Variants in IL1A observed in about 807,000 individuals in gnomAD.
The protein encoded by IL1A is interleukin 1 alpha.
In IL1A, 16 loss-of-function variants were observed where a neutral mutation model predicts 22.2. The observed-to-expected ratio is 0.72, with a 90% CI of 0.49 to 1.09. The LOEUF (loss-of-function observed/expected upper bound fraction) is 1.09, where lower values mean the gene tolerates loss of function less well. IL1A is among the 50% of genes least tolerant of loss of function. The pLI, the probability that IL1A is intolerant of heterozygous loss-of-function variation, is 0.00. For missense variants in IL1A, 317 were observed against 321.8 expected (o/e 0.99, Z 0.11); for synonymous variants, 113 against 118.5 (o/e 0.95, Z 0.30).
At position 112,774,832 on chromosome 2, in the gene IL1A, T is replaced by C; in HGVS notation, c.*235A>G. On this transcript the variant is annotated 3_prime_UTR_variant, in exon 7 of 7. Coordinates refer to ENST00000263339, the MANE Select transcript of IL1A (RefSeq NM_000575.5). ...AGCTCTGGTCCTCCTAAAATTGTTATGAAGAATAATAATTAAAATGATTGG... is the reference window on the plus strand; with the variant it reads ...AGCTCTGGTCCTCCTAAAATTGTTACGAAGAATAATAATTAAAATGATTGG... 1 of 416,596 alleles carries C rather than the reference T, an allele frequency of 2.4e-6. No individual in the cohort carries two copies. Among genetic ancestry groups the C allele is most frequent in the South Asian group, 3.5e-5 (1 of 28,792 alleles). The allele number at this position is 416,596 out of a possible 1,614,324, so 25.8% of individuals were successfully genotyped here. A position where few individuals can be genotyped will look rare whatever the true frequency, so the allele number is the denominator to read the frequency against.
Position 112,775,933 on chromosome 2 carries a change from C to T in IL1A, c.616-666G>A, listed in dbSNP as rs577278692. Among the ~76,000 whole-genome samples the T allele has an allele frequency of 2.0e-5, 3 of 152,270 alleles. No individual in the cohort carries two copies. In the South Asian group the frequency reaches 6.2e-4, roughly 32 times the overall value. On this transcript the variant is annotated intron_variant, in intron 6 of 6. Transcript: ENST00000263339. Reference sequence around the variant, plus strand: ...ATGCTTCTTTCCTATTCTTTTAAATCTAAAGCAAGTAAATATACTTTTGAG... The same window carrying T: ...ATGCTTCTTTCCTATTCTTTTAAATTTAAAGCAAGTAAATATACTTTTGAG...
At chr2:112,781,367 G>C (rs1046372598) in intron 4 of IL1A, among the ~76,000 whole-genome samples, 1 of 152,160 alleles carries the variant, frequency 6.6e-6, no homozygotes, top group Non-Finnish European at 1.5e-5. Context: ...AAAGTCACAC[G>C]ACCTTTACAA....
intron 6 of IL1A, 42 bp downstream of exon 6, chr2:112,777,945 G>A (rs749914961): frequency 6.7e-5 from 107 of 1,606,188 alleles, no homozygotes; most frequent in Non-Finnish European, 8.1e-5. Flanking sequence ...ACAAACATAT[G>A]AGATGTAAAT....
intron 6 of IL1A, among the ~76,000 whole-genome samples, chr2:112,777,470 A>T (rs1681118960): frequency 6.6e-6 from 1 of 151,970 alleles, no homozygotes; most frequent in Non-Finnish European, 1.5e-5. Context: ...TTTGAGGGGG[A>T]AAGTGGTAGT....
At chr2:112,782,595 C>A in intron 3 of IL1A, 121 bp downstream of exon 3, 1 of 702,698 alleles carries the variant, frequency 1.4e-6, no homozygotes, top group Admixed American at 2.3e-5. Flanking sequence ...AGACAGGTCT[C>A]TGGACCTCTA....
In IL1A at chr2:112,778,096, C is replaced by A; in HGVS notation, c.506G>T (p.Gly169Val). ...NLDEAVKFDMGAYKSSKDDAK... is the reference protein window; with the variant it reads ...NLDEAVKFDMVAYKSSKDDAK... ...ATCATCCTTTGATGACTTATAAGCACCCATGTCAAATTTCACTGGTGAAGA... is the reference window on the plus strand; with the variant it reads ...ATCATCCTTTGATGACTTATAAGCAACCATGTCAAATTTCACTGGTGAAGA... Residue 169 changes from glycine (G) to valine (V), a missense_variant, in exon 6 of 7, where the codon GGT (glycine) becomes GTT (valine). Physicochemically the swap from Gly to Val is moderately radical, Grantham distance 109. Coordinates refer to ENST00000263339, the MANE Select transcript of IL1A (RefSeq NM_000575.5). 1.2e-6 allele frequency: 2 copies of A among 1,612,866 alleles called. No individual in the cohort carries two copies. Among genetic ancestry groups the A allele is most frequent in the African/African-American group, 2.7e-5 (2 of 74,918 alleles).
chr2:112,774,927 A>G lies in IL1A; in HGVS notation c.*140T>C, dbSNP rs1314566718. On this transcript the variant is annotated 3_prime_UTR_variant, in exon 7 of 7. Coordinates refer to ENST00000263339, the MANE Select transcript of IL1A (RefSeq NM_000575.5). ...GTTAGTGTTGGTTCCACTCTTACAA[A>G]GAGTGTAAACATTCATTTAGAATTA... The G allele has an allele frequency of 2.2e-5, 14 of 647,438 alleles. No homozygotes were observed. Among genetic ancestry groups the G allele is most frequent in the Non-Finnish European group, 2.7e-5 (10 of 368,062 alleles). 40.1% of individuals were successfully genotyped at this position (647,438 alleles called of 1,614,324 possible).
rs763121818 is a variant in IL1A, at chr2:112,781,584, T to C, written c.319+20A>G. On this transcript the variant is annotated intron_variant, in intron 4 of 6. Coordinates refer to ENST00000263339, the MANE Select transcript of IL1A (RefSeq NM_000575.5). Reference sequence around the variant, plus strand: ...GCTTAAAACTGTAAAAGAAAGATATTATTGTGCTTGACCCCTTACCTTCCT... The same window carrying C: ...GCTTAAAACTGTAAAAGAAAGATATCATTGTGCTTGACCCCTTACCTTCCT... 6.3e-7 allele frequency: 1 copy of C among 1,577,156 alleles called. No homozygotes were observed.
chr2:112,783,066 T>C (rs1428364697), intron 2 of IL1A, among the ~76,000 whole-genome samples: 3 of 152,250 alleles, frequency 2.0e-5, no homozygotes, highest in African/African-American at 7.2e-5. Context: ...TAAGCTCCTT[T>C]AGAGAAAAGA....
intron 4 of IL1A, among the ~76,000 whole-genome samples, chr2:112,781,288 G>A (rs887506370): frequency 8.5e-5 from 13 of 152,106 alleles, no homozygotes; most frequent in African/African-American, 3.1e-4. Flanking sequence ...CATGACCAAG[G>A]AGGCATAGTT....
intron 5 of IL1A, 116 bp from the exon 6 acceptor site, chr2:112,778,227 T>C: frequency 1.1e-6 from 1 of 896,560 alleles, no homozygotes. Flanking sequence ...TGTGTGTGTG[T>C]GTGTGTAGTT....
intron 5 of IL1A, among the ~76,000 whole-genome samples, chr2:112,778,686 G>T (rs1681143309): frequency 6.6e-6 from 1 of 152,188 alleles, no homozygotes; most frequent in Non-Finnish European, 1.5e-5. Flanking sequence ...GCTATTTAGA[G>T]TAAACCCAAG....
chr2:112,779,425 A>G, intron 5 of IL1A, 71 bp downstream of exon 5: 1 of 1,283,436 alleles, frequency 7.8e-7, no homozygotes, highest in Non-Finnish European at 1.1e-6. Flanking sequence ...AAGCAGAAAG[A>G]TTGAAATAAA....
At position 112,776,452 on chromosome 2, in the gene IL1A, C is replaced by T. The variant is rs371391542; in HGVS notation, c.616-1185G>A. 1.3e-4 allele frequency among the ~76,000 whole-genome samples: 17 copies of T among 135,946 alleles called. No individual in the cohort carries two copies. The East Asian group carries it at 2.9e-3, about 23-fold the overall frequency. 89.2% of individuals were successfully genotyped at this position (135,946 alleles called of 152,430 possible). A position where few individuals can be genotyped will look rare whatever the true frequency, so the allele number is the denominator to read the frequency against. ...GTCCCAAAAACCCACAACCATGACC[C>T]GCCCCCTCCTCTGAATGTCCTACCC... On this transcript the variant is annotated intron_variant, in intron 6 of 6. Transcript: ENST00000263339.
intron 5 of IL1A, among the ~76,000 whole-genome samples, chr2:112,778,675 A>G (rs1156259590): frequency 6.6e-6 from 1 of 152,232 alleles, no homozygotes; most frequent in Non-Finnish European, 1.5e-5. Context: ...TTTGCAATCA[A>G]GCTATTTAGA....
At chr2:112,780,441 G>T (rs1363293806) in intron 4 of IL1A, among the ~76,000 whole-genome samples, 1 of 152,178 alleles carries the variant, frequency 6.6e-6, no homozygotes, top group Admixed American at 6.5e-5. Context: ...AGGTGAACAT[G>T]CGTTATTGCT....
chr2:112,779,277 A>G (rs1469472693), intron 5 of IL1A, among the ~76,000 whole-genome samples: 1 of 152,222 alleles, frequency 6.6e-6, no homozygotes, highest in Non-Finnish European at 1.5e-5. Flanking sequence ...TCTCAAAGAT[A>G]GGAAACTTCT....
At chr2:112,782,951 T>C (rs555299874) in intron 2 of IL1A, among the ~76,000 whole-genome samples, 187 bp from the exon 3 acceptor site, 5 of 152,334 alleles carry the variant, frequency 3.3e-5, no homozygotes, top group African/African-American at 1.2e-4. Context: ...AATCTGGAAT[T>C]AGTAGTCATC....
At chr2:112,784,315 CA>C (rs1326217320) in intron 1 of IL1A, 127 bp downstream of exon 1, 1 of 152,504 alleles carries the variant, frequency 6.6e-6, no homozygotes, top group Admixed American at 6.5e-5. Flanking sequence ...GGTCACATAC[CA>C]AACCAGGGAG....
Sources: gnomAD v4.1 joint callset for allele counts (sites outside exome capture counted in the v4.1 genomes callset) on GRCh38, gnomAD v4.1.1 for gene constraint, MANE v1.5 for transcripts, NCBI Gene and HGNC (gene_info 2026-07-23, HGNC 2026-07-21) for gene names.